Variants in GPC5 observed in about 807,000 individuals in gnomAD.
GPC5 encodes glypican-5.
A neutral mutation model predicts 53.9 loss-of-function variants in GPC5; 47 were observed. The ratio of observed to expected loss-of-function variants is 0.87; its 90% CI spans 0.69 to 1.11. The LOEUF (loss-of-function observed/expected upper bound fraction) is 1.11. Among genes scored for constraint, GPC5 ranks in the 50% most tolerant of loss-of-function variants. The probability of loss-of-function intolerance (pLI) is 0.00; values close to 1 mark genes in which losing one functional copy is unlikely to be tolerated. For synonymous variants in GPC5, 286 were observed against 263.3 expected, an observed-to-expected ratio of 1.09 and a Z score of -0.84; for missense variants, 748 against 713.1, an observed-to-expected ratio of 1.05 and a Z score of -0.56.
intron 7 of GPC5, among the ~76,000 whole-genome samples, chr13:92,474,819 C>G (rs1203587532): frequency 6.6e-6 from 1 of 152,012 alleles, no homozygotes; most frequent in East Asian, 1.9e-4. Flanking sequence ...TGGGCTTGAT[C>G]TGTTTTAACA....
intron 7 of GPC5, among the ~76,000 whole-genome samples, chr13:92,173,700 TATA>T (rs1259593370): frequency 2.6e-5 from 4 of 152,194 alleles, no homozygotes; most frequent in Admixed American, 6.5e-5. Context: ...TTCTATAGTA[TATA>T]ATAATTATTT....
At chr13:92,194,264 C>T (rs1440043974) in intron 7 of GPC5, among the ~76,000 whole-genome samples, 2 of 152,144 alleles carry the variant, frequency 1.3e-5, no homozygotes, top group East Asian at 3.9e-4. Flanking sequence ...ATCCTGTGTG[C>T]TTGGGATGCA....
intron 7 of GPC5, among the ~76,000 whole-genome samples, chr13:92,233,531 A>T (rs1326917902): frequency 6.6e-6 from 1 of 152,226 alleles, no homozygotes; most frequent in Non-Finnish European, 1.5e-5. Context: ...GGGTCTAAGA[A>T]TTAAGTTGAC....
At chr13:92,863,571 G>A (rs1411375077) in intron 7 of GPC5, among the ~76,000 whole-genome samples, 4 of 152,168 alleles carry the variant, frequency 2.6e-5, no homozygotes, top group East Asian at 3.9e-4. Flanking sequence ...TAGGCTCACC[G>A]CAACCTCCAC....
chr13:92,468,530 C>A (rs1357946847), intron 7 of GPC5, among the ~76,000 whole-genome samples: 1 of 152,066 alleles, frequency 6.6e-6, no homozygotes, highest in Non-Finnish European at 1.5e-5. Context: ...TGAGAAAAGA[C>A]AGGAATATAA....
intron 7 of GPC5, among the ~76,000 whole-genome samples, chr13:92,733,146 T>G (rs768716803): frequency 7.9e-5 from 12 of 151,704 alleles, no homozygotes; most frequent in Non-Finnish European, 1.6e-4. Context: ...ATAGAATTAG[T>G]TGAAAAACTG....
chr13:91,737,204 G>T (rs1166742575), intron 4 of GPC5, among the ~76,000 whole-genome samples: 1 of 151,340 alleles, frequency 6.6e-6, no homozygotes, highest in Non-Finnish European at 1.5e-5. Context: ...GTCTGTTTTG[G>T]GATCTGTTTC....
chr13:91,623,198 G>T (rs1209237792), intron 2 of GPC5, among the ~76,000 whole-genome samples: 2 of 152,078 alleles, frequency 1.3e-5, no homozygotes, highest in Non-Finnish European at 2.9e-5. Context: ...AAAATTATAG[G>T]ATGTCAAAGG....
intron 7 of GPC5, among the ~76,000 whole-genome samples, chr13:92,471,972 T>A (rs1050254749): frequency 6.6e-5 from 10 of 152,166 alleles, no homozygotes; most frequent in African/African-American, 2.4e-4. Context: ...ATTTAATCAT[T>A]GTGTTCCTTT....
At position 92,173,950 on chromosome 13, in the gene GPC5, C is replaced by T. The variant is rs149030078; in HGVS notation, c.1561+28961C>T. ...TGAAACCCCATGTCTACTAAAAATA[C>T]AAAAATTAGTTGGGTGTGGTGGCAC... On this transcript the variant is annotated intron_variant, in intron 7 of 7. Transcript: ENST00000377067. 5.6e-3 allele frequency among the ~76,000 whole-genome samples: 856 copies of T among 151,932 alleles called. 9 individuals carry two copies. The highest frequency in any genetic ancestry group is 0.015 in the African/African-American group (633 of 41,418).
rs572540630 is a variant in GPC5, at chr13:92,251,083, T to G, written c.1561+106094T>G. Among the ~76,000 whole-genome samples, 19 of 152,222 alleles carry G rather than the reference T, an allele frequency of 1.2e-4. No homozygotes were observed. In the East Asian group the frequency reaches 3.7e-3, roughly 29 times the overall value. On this transcript the variant is annotated intron_variant, in intron 7 of 7. Coordinates refer to ENST00000377067, the MANE Select transcript of GPC5 (RefSeq NM_004466.6). ...CATGTACTCCATGCTTAAATACAGC[T>G]GCTACAAAGTATCAATTAAATTACA...
intron 7 of GPC5, among the ~76,000 whole-genome samples, chr13:92,290,165 A>G (rs955717245): frequency 5.9e-5 from 9 of 152,338 alleles, no homozygotes; most frequent in Admixed American, 3.9e-4. Flanking sequence ...ATTGCTTTAT[A>G]TATGTGGGAC....
At chr13:92,371,013 G>T (rs1039960543) in intron 7 of GPC5, among the ~76,000 whole-genome samples, 2 of 152,012 alleles carry the variant, frequency 1.3e-5, no homozygotes, top group Non-Finnish European at 2.9e-5. Flanking sequence ...GCTGGGTGTG[G>T]TGTTAGGTGC....
chr13:92,304,629 T>A (rs1024305983), intron 7 of GPC5, among the ~76,000 whole-genome samples: 5 of 152,144 alleles, frequency 3.3e-5, no homozygotes, highest in African/African-American at 1.2e-4. Flanking sequence ...TATGAATACA[T>A]TATTTGAGTG....
intron 7 of GPC5, among the ~76,000 whole-genome samples, chr13:92,849,789 A>T (rs1381244791): frequency 1.3e-5 from 2 of 152,210 alleles, no homozygotes; most frequent in African/African-American, 4.8e-5. Flanking sequence ...TTAATATTCC[A>T]ACCATCCCCA....
chr13:91,969,297 G>C (rs2040218434), intron 6 of GPC5, among the ~76,000 whole-genome samples: 1 of 151,970 alleles, frequency 6.6e-6, no homozygotes, highest in African/African-American at 2.4e-5. Flanking sequence ...TTATTTCTTT[G>C]ATACATTTTA....
At position 91,789,600 on chromosome 13, in the gene GPC5, C is replaced by A. The variant is rs117396619; in HGVS notation, c.1280+33180C>A. On this transcript the variant is annotated intron_variant, in intron 5 of 7. Coordinates refer to ENST00000377067, the MANE Select transcript of GPC5 (RefSeq NM_004466.6). ...TTTATTCCCTAAGAAATAAAGAAAA[C>A]ACTAGCAAAACATTGAGGTAAAAAT... is the stretch of plus-strand genomic sequence containing the variant. Among the ~76,000 whole-genome samples, 1,211 of 152,200 alleles carry A rather than the reference C, an allele frequency of 8.0e-3. 6 individuals carry two copies. The highest frequency in any genetic ancestry group is 0.01 in the Admixed American group (156 of 15,282).
chr13:91,785,796 A>T (rs1443305935), intron 5 of GPC5, among the ~76,000 whole-genome samples: 1 of 152,288 alleles, frequency 6.6e-6, no homozygotes, highest in South Asian at 2.1e-4. Flanking sequence ...TTCTAAATAC[A>T]TTCAAAGTGC....
intron 7 of GPC5, among the ~76,000 whole-genome samples, chr13:92,192,753 A>C (rs1445041208): frequency 2.0e-5 from 3 of 152,264 alleles, no homozygotes; most frequent in Admixed American, 1.3e-4. Context: ...CAGATTACTG[A>C]AATGTAGAAC....
Sources: allele counts gnomAD v4.1 joint callset (sites outside exome capture counted in the v4.1 genomes callset), GRCh38; gene constraint gnomAD v4.1.1; transcripts MANE v1.5; gene names NCBI Gene and HGNC (gene_info 2026-07-23, HGNC 2026-07-21).